PTPN22: variants seen among roughly 807,000 people sequenced by gnomAD.
The protein encoded by PTPN22 is tyrosine-protein phosphatase non-receptor type 22.
In PTPN22, 85 loss-of-function variants were observed where a neutral mutation model predicts 103.3. That is an observed-to-expected ratio of 0.82 (90% CI 0.69 to 0.99). The LOEUF (loss-of-function observed/expected upper bound fraction) is 0.99. Among genes scored for constraint, PTPN22 ranks in the 50% least tolerant of loss-of-function variants. PTPN22 has a pLI of 0.00. For missense variants in PTPN22, 865 were observed against 936.9 expected, an observed-to-expected ratio of 0.92 and a Z score of 1.00; for synonymous variants, 323 against 310.2, an observed-to-expected ratio of 1.04 and a Z score of -0.43.
At chr1:113,851,264 C>T (rs906291208) in intron 10 of PTPN22, among the ~76,000 whole-genome samples, 25 of 151,800 alleles carry the variant, frequency 1.6e-4, no homozygotes, top group Non-Finnish European at 7.4e-5. Flanking sequence ...GCAATTCTCC[C>T]GCCTCAGCCT....
intron 1 of PTPN22, 52 bp downstream of exon 1, chr1:113,871,485 T>C: frequency 6.8e-7 from 1 of 1,474,886 alleles, no homozygotes; most frequent in Non-Finnish European, 9.5e-7. Context: ...ACCCCCATAG[T>C]CAGTTAAATA....
intron 1 of PTPN22, among the ~76,000 whole-genome samples, chr1:113,871,055 C>CA (rs1047807767): frequency 1.3e-5 from 2 of 151,554 alleles, no homozygotes; most frequent in African/African-American, 2.4e-5. Context: ...ACAACAACAA[C>CA]AAAAAAAACT....
chr1:113,860,645 A>C (rs1367645677), intron 1 of PTPN22, among the ~76,000 whole-genome samples: 1 of 152,242 alleles, frequency 6.6e-6, no homozygotes, highest in Non-Finnish European at 1.5e-5. Flanking sequence ...TTAAGGACAC[A>C]TGAAAGACTA....
At chr1:113,834,965 G>A (rs1662857595) in exon 14 of PTPN22, 3 of 1,570,430 alleles carry the variant, frequency 1.9e-6, no homozygotes, top group Non-Finnish European at 2.6e-6. Context: ...GTGGAGGGGG[G>A]ATTTCATCAT....
intron 1 of PTPN22, 54 bp downstream of exon 1, chr1:113,871,483 A>G: frequency 6.8e-7 from 1 of 1,469,002 alleles, no homozygotes; most frequent in South Asian, 1.1e-5. Flanking sequence ...GGACCCCCAT[A>G]GTCAGTTAAA....
chr1:113,839,093 C>T (rs1663282626), intron 11 of PTPN22, among the ~76,000 whole-genome samples: 2 of 152,152 alleles, frequency 1.3e-5, no homozygotes, highest in African/African-American at 4.8e-5. Context: ...TTTACACTTA[C>T]TATTCCCCCT....
intron 3 of PTPN22, among the ~76,000 whole-genome samples, 154 bp from the exon 4 acceptor site, chr1:113,858,727 C>A (rs1015224100): frequency 2.0e-5 from 3 of 151,504 alleles, no homozygotes; most frequent in Non-Finnish European, 4.4e-5. Flanking sequence ...GCAGCCTTGA[C>A]CTCCTGGCTT....
intron 13 of PTPN22, among the ~76,000 whole-genome samples, chr1:113,836,831 T>G (rs999336965): frequency 1.6e-4 from 24 of 150,650 alleles, no homozygotes; most frequent in Non-Finnish European, 3.5e-4. Context: ...GAGGCTGAGG[T>G]GGGAGGATTG....
intron 1 of PTPN22, among the ~76,000 whole-genome samples, chr1:113,869,722 C>CT (rs1666422975): frequency 1.3e-5 from 2 of 152,202 alleles, no homozygotes; most frequent in Admixed American, 1.3e-4. Context: ...AAAACACAAC[C>CT]AAAATAAAAC....
intron 10 of PTPN22, among the ~76,000 whole-genome samples, chr1:113,849,798 A>T (rs1194918657): frequency 6.6e-6 from 1 of 152,028 alleles, no homozygotes; most frequent in Admixed American, 6.5e-5. Flanking sequence ...TATGTTGCCC[A>T]GGCTGGTTTT....
At chr1:113,855,037 T>C (rs1167864218) in exon 8 of PTPN22, 1 of 1,609,426 alleles carries the variant, frequency 6.2e-7, no homozygotes, top group Non-Finnish European at 8.5e-7. Flanking sequence ...AACTGGTAGA[T>C]AGTTCGAGTT....
At chr1:113,836,533 T>C (rs1018729150) in intron 13 of PTPN22, among the ~76,000 whole-genome samples, 6 of 152,242 alleles carry the variant, frequency 3.9e-5, no homozygotes, top group Non-Finnish European at 5.9e-5. Flanking sequence ...TAGCAATATG[T>C]TCAACTCATT....
At chr1:113,832,427 T>C (rs1662626974) in intron 16 of PTPN22, among the ~76,000 whole-genome samples, 2 of 152,150 alleles carry the variant, frequency 1.3e-5, no homozygotes, top group African/African-American at 4.8e-5. Context: ...ATCCGCCAGC[T>C]TTGGCCTCCC....
At chr1:113,863,982 G>A (rs978490446) in intron 1 of PTPN22, among the ~76,000 whole-genome samples, 1 of 149,536 alleles carries the variant, frequency 6.7e-6, no homozygotes, top group Non-Finnish European at 1.5e-5. Context: ...GCAGTGGCGC[G>A]ATCTCGGCTC....
In PTPN22 at chr1:113,833,177, TG is replaced by T. The variant is rs749950567; in HGVS notation, c.2026-40del. On this transcript the variant is annotated intron_variant, in intron 15 of 20. Coordinates refer to ENST00000359785, the Ensembl canonical transcript of PTPN22. ...AGAAAGGAAAAGTGAAAGAAGAATA[TG>T]TATACAAATTATACAAACTCAAAGC... The T allele has an allele frequency of 4.1e-6, 6 of 1,481,168 alleles. No individual in the cohort carries two copies. In the South Asian group the frequency reaches 7.2e-5, roughly 18 times the overall value. 91.8% of individuals were successfully genotyped at this position (1,481,168 alleles called of 1,614,324 possible).
At chr1:113,852,167 T>C in intron 9 of PTPN22, 63 bp from the exon 10 acceptor site, 1 of 1,274,632 alleles carries the variant, frequency 7.8e-7, no homozygotes, top group South Asian at 1.3e-5. Flanking sequence ...TGCTACTTTT[T>C]CATAGTCTTG....
At chr1:113,839,945 C>T (rs1663391465) in intron 11 of PTPN22, among the ~76,000 whole-genome samples, 1 of 151,976 alleles carries the variant, frequency 6.6e-6, no homozygotes, top group Non-Finnish European at 1.5e-5. Context: ...CGCACAGTGG[C>T]TCACGCCTGT....
intron 5 of PTPN22, 163 bp downstream of exon 5, chr1:113,857,573 GAA>G: frequency 2.0e-6 from 1 of 511,388 alleles, no homozygotes; most frequent in Non-Finnish European, 3.5e-6. Context: ...ATTCTTAGGA[GAA>G]AAAAAAAATC....
chr1:113,857,967 C>G (rs926702252), intron 4 of PTPN22, 191 bp from the exon 5 acceptor site: 21 of 473,176 alleles, frequency 4.4e-5, no homozygotes, highest in Non-Finnish European at 7.9e-5. Flanking sequence ...ACAATACTTC[C>G]CCTTTCTCTG....
Sources: allele counts gnomAD v4.1 joint callset (sites outside exome capture counted in the v4.1 genomes callset), GRCh38; gene constraint gnomAD v4.1.1; transcripts MANE v1.5; gene names NCBI Gene and HGNC (gene_info 2026-07-23, HGNC 2026-07-21).